The following ZNF800 variants were observed in gnomAD, a reference collection of about 807,000 sequenced individuals.
The protein encoded by ZNF800 is zinc finger protein 800.
Under a neutral mutation model 59.5 loss-of-function variants are expected in ZNF800, and 13 were observed. The ratio of observed to expected loss-of-function variants is 0.22; its 90% CI spans 0.14 to 0.35. ZNF800 has a LOEUF of 0.35. Among genes scored for constraint, ZNF800 ranks in the 10% least tolerant of loss-of-function variants. The pLI is 1.00. For missense variants in ZNF800, 621 were observed against 783.7 expected, an observed-to-expected ratio of 0.79 and a Z score of 2.48; for synonymous variants, 266 against 265.7, an observed-to-expected ratio of 1.00 and a Z score of -0.01.
At chr7:127,343,290 G>T (rs772256240), downstream of ZNF800, among the ~76,000 whole-genome samples, 1 of 151,600 alleles carries the variant, frequency 6.6e-6, no homozygotes, top group Non-Finnish European at 1.5e-5. Flanking sequence ...TCAAGTGCTG[G>T]TTCCTTAAAA....
chr7:127,391,570 C>G lies in ZNF800; in HGVS notation c.-13G>C, dbSNP rs1190441396. 1.9e-6 allele frequency: 3 copies of G among 1,613,718 alleles called. No homozygotes were observed. Among genetic ancestry groups the G allele is most frequent in the Middle Eastern group, 1.7e-4 (1 of 6,060 alleles). ...CCCTTAAAGGCATTTTCAGTGGACT[C>G]GACCTACTTTGCTTTCACTGTAAGA... is the stretch of plus-strand genomic sequence containing the variant. On this transcript the variant is annotated 5_prime_UTR_variant, in exon 2 of 6. Coordinates refer to ENST00000265827, the MANE Select transcript of ZNF800 (RefSeq NM_176814.5).
chr7:127,379,852 A>AC (rs1562907479), intron 3 of ZNF800, among the ~76,000 whole-genome samples: 13 of 16,190 alleles, frequency 8.0e-4, no homozygotes, highest in South Asian at 6.3e-3. Flanking sequence ...CCACCCCCCC[A>AC]CCCCCCCCAC....
At chr7:127,367,726 T>G (rs1036534024), downstream of ZNF800, among the ~76,000 whole-genome samples, 7 of 152,166 alleles carry the variant, frequency 4.6e-5, no homozygotes, top group Non-Finnish European at 1.0e-4. Context: ...AATTTAGAGA[T>G]GGAAAAGGCT....
chr7:127,353,603 T>A (rs920639808), intron 1 of ZNF800, among the ~76,000 whole-genome samples: 1 of 152,218 alleles, frequency 6.6e-6, no homozygotes. Context: ...AATAATACAT[T>A]GAGAAGGCCT....
chr7:127,373,173 G>A, intron 5 of ZNF800, 169 bp downstream of exon 5: 1 of 985,432 alleles, frequency 1.0e-6, no homozygotes, highest in Non-Finnish European at 1.2e-6. Context: ...TGGAATAAAG[G>A]TCACTGAAGA....
rs761721967 is a variant in ZNF800 at position 127,374,038 on chromosome 7, C to T, written c.1298G>A (p.Gly433Glu). 7 of 1,613,716 alleles carry T rather than the reference C, an allele frequency of 4.3e-6. No homozygotes were observed. In the African/African-American group the frequency reaches 9.4e-5, roughly 22 times the overall value. ...CTTTTTTTCATTTGAATGATTTGTT[C>T]CCTTTAATTCATTCTGTGGAGAATG... is the stretch of plus-strand genomic sequence containing the variant. The part of the protein sequence containing the change: ...ITHSPQNELK[G>E]TNHSNEKKNT... Residue 433 changes from glycine (G) to glutamate (E), a missense_variant, in exon 5 of 6, where the codon GGA becomes GAA. Gly to Glu is a moderately conservative substitution (Grantham distance 98). This residue lies in a region of ZNF800 where 185 missense variants were observed against 177.6 expected (regional missense o/e 1.04). Transcript: ENST00000265827.
Position 127,377,194 on chromosome 7 carries a change from A to G in ZNF800, c.293T>C (p.Met98Thr), listed in dbSNP as rs780644677. ...KKFYCPPSLQ[M>T]DDNLPDVNDK... ...ATATGAATAAAACTTACTGTCATCC[A>G]TCTGGAGACTTGGTGGGCAGTAGAA... is the stretch of plus-strand genomic sequence containing the variant. The change falls in exon 4 of 6, where the codon ATG becomes ACG. Residue 98 changes from methionine to threonine, a missense_variant. Physicochemically the swap from Met to Thr is moderately conservative, Grantham distance 81. This residue lies in a region of ZNF800 where 218 missense variants were observed against 230.8 expected (regional missense o/e 0.94). Coordinates refer to ENST00000265827, the MANE Select transcript of ZNF800 (RefSeq NM_176814.5). This position sits in a 1 kb window ranked among gnomAD's most constrained non-coding sequence, Gnocchi z 4.7. 1.9e-6 allele frequency: 3 copies of G among 1,610,860 alleles called. No individual in the cohort carries two copies. Among genetic ancestry groups the G allele is most frequent in the South Asian group, 2.2e-5 (2 of 90,472 alleles).
chr7:127,392,221 G>C lies in ZNF800; in HGVS notation c.-220C>G, dbSNP rs1045861331. On this transcript the variant is annotated 5_prime_UTR_variant, in exon 1 of 6. Coordinates refer to ENST00000265827, the MANE Select transcript of ZNF800 (RefSeq NM_176814.5). ...CTCGGGCCCGACGCGCTCCCAAAGA[G>C]TCCCCGCCGGCGCTGACGCGGAAGC... 1.0e-5 allele frequency: 4 copies of C among 394,500 alleles called. No individual in the cohort carries two copies. Among genetic ancestry groups the C allele is most frequent in the African/African-American group, 2.1e-5 (1 of 48,394 alleles). 24.4% of individuals were successfully genotyped at this position (394,500 alleles called of 1,614,324 possible).
chr7:127,357,878 G>A (rs1422666453), intron 1 of ZNF800, among the ~76,000 whole-genome samples: 1 of 151,870 alleles, frequency 6.6e-6, no homozygotes, highest in Non-Finnish European at 1.5e-5. Context: ...ATCAGAGCTA[G>A]CCAAATACCT....
At chr7:127,391,412 G>T in intron 2 of ZNF800, 85 bp downstream of exon 2, 2 of 1,295,858 alleles carry the variant, frequency 1.5e-6, no homozygotes, top group Non-Finnish European at 2.2e-6. Context: ...GACTACTGGG[G>T]CAGGAGGAAA....
intron 3 of ZNF800, among the ~76,000 whole-genome samples, chr7:127,380,021 A>G (rs149189492): frequency 7.9e-5 from 12 of 152,004 alleles, no homozygotes; most frequent in African/African-American, 2.4e-4. Context: ...CTCTCTGACT[A>G]TAACATTCTC....
Position 127,392,314 on chromosome 7 carries a change from C to T in ZNF800, c.-313G>A, listed in dbSNP as rs1801361071. The T allele has an allele frequency of 5.2e-6, 2 of 386,780 alleles. No homozygotes were observed. The highest frequency in any genetic ancestry group is 4.2e-5 in the African/African-American group (2 of 48,052). 24.0% of individuals were successfully genotyped at this position (386,780 alleles called of 1,614,324 possible). A position where few individuals can be genotyped will look rare whatever the true frequency, so the allele number is the denominator to read the frequency against. The stretch of plus-strand genomic sequence containing the variant: ...GCGGCGGCTCACGGCGTCCTCCGCG[C>T]TGTGTGGCTAGGCGGGAGGCGCGCG... On this transcript the variant is annotated 5_prime_UTR_variant, in exon 1 of 6. Transcript: ENST00000265827.
chr7:127,373,301 G>T (rs766741002), intron 5 of ZNF800, 41 bp downstream of exon 5: 1 of 1,527,976 alleles, frequency 6.5e-7, no homozygotes, highest in African/African-American at 1.4e-5. Context: ...TTTTTAGTTC[G>T]ATGGGGGGAA....
intron 3 of ZNF800, among the ~76,000 whole-genome samples, chr7:127,385,667 A>G (rs1188390418): frequency 6.6e-6 from 1 of 152,180 alleles, no homozygotes; most frequent in Non-Finnish European, 1.5e-5. Context: ...AACAAATGAC[A>G]TCTCAGACAT....
chr7:127,354,567 T>G (rs1193582543), intron 1 of ZNF800, among the ~76,000 whole-genome samples: 1 of 152,066 alleles, frequency 6.6e-6, no homozygotes, highest in African/African-American at 2.4e-5. Flanking sequence ...TGCACATACA[T>G]GAAATAGCTC....
intron 1 of ZNF800, among the ~76,000 whole-genome samples, chr7:127,358,292 C>G (rs1429677470): frequency 1.3e-5 from 2 of 151,876 alleles, no homozygotes; most frequent in African/African-American, 4.8e-5. Context: ...TTCTTCGTCT[C>G]CACTGCCTGG....
intron 1 of ZNF800, among the ~76,000 whole-genome samples, chr7:127,352,444 T>C (rs1236151651): frequency 2.6e-5 from 4 of 152,204 alleles, no homozygotes; most frequent in African/African-American, 4.8e-5. Context: ...CCTGGTCTAG[T>C]AGAAAGGATG....
chr7:127,367,627 A>G (rs1562900740), downstream of ZNF800, among the ~76,000 whole-genome samples: 1 of 151,486 alleles, frequency 6.6e-6, no homozygotes, highest in Non-Finnish European at 1.5e-5. Context: ...TAAACACAAC[A>G]CTGGTGAAAT....
At chr7:127,385,432 A>G (rs575406133) in intron 3 of ZNF800, among the ~76,000 whole-genome samples, 3 of 152,344 alleles carry the variant, frequency 2.0e-5, no homozygotes, top group East Asian at 1.9e-4. Context: ...AGTAATACCT[A>G]TTTTAAAACA....
Sources: allele counts gnomAD v4.1 joint callset (sites outside exome capture counted in the v4.1 genomes callset), GRCh38; gene constraint gnomAD v4.1.1; regional missense constraint gnomAD v4.1.1; non-coding constraint Gnocchi (gnomAD v3.1); transcripts MANE v1.5; gene names NCBI Gene and HGNC (gene_info 2026-07-23, HGNC 2026-07-21).